SERINC5: variants seen among roughly 807,000 people sequenced by gnomAD.
The protein encoded by SERINC5 is chromosome 5 open reading frame 12.
In SERINC5, 41 loss-of-function variants were observed where a neutral mutation model predicts 63.1. The ratio of observed to expected loss-of-function variants is 0.65; its 90% confidence interval spans 0.51 to 0.84. The LOEUF (loss-of-function observed/expected upper bound fraction) is 0.84, where lower values mean the gene tolerates loss of function less well. Among genes scored for constraint, SERINC5 ranks in the 40% least tolerant of loss-of-function variants. SERINC5 has a pLI of 0.00. For synonymous variants in SERINC5, 222 were observed against 215.2 expected (o/e 1.03, Z -0.28); for missense variants, 523 against 573.0 (o/e 0.91, Z 0.89).
chr5:80,163,778 T>C (rs1469362071), intron 7 of SERINC5, among the ~76,000 whole-genome samples: 1 of 152,252 alleles, frequency 6.6e-6, no homozygotes, highest in Admixed American at 6.5e-5. Flanking sequence ...TGCTAGTATT[T>C]TGTTGAAGAT....
intron 1 of SERINC5, among the ~76,000 whole-genome samples, chr5:80,248,806 A>G (rs908145049): frequency 3.3e-5 from 5 of 152,252 alleles, no homozygotes; most frequent in Non-Finnish European, 7.3e-5. Flanking sequence ...ATTTGGACAG[A>G]CGTTATCTGT....
downstream of SERINC5, among the ~76,000 whole-genome samples, chr5:80,135,649 C>T (rs1015179040): frequency 1.3e-5 from 2 of 151,926 alleles, no homozygotes; most frequent in Admixed American, 6.6e-5. Flanking sequence ...GGACGATGGA[C>T]GTGGCAACAT....
At chr5:80,241,186 C>A (rs1751924120) in intron 1 of SERINC5, among the ~76,000 whole-genome samples, 1 of 152,006 alleles carries the variant, frequency 6.6e-6, no homozygotes, top group South Asian at 2.1e-4. Flanking sequence ...AATAAAAAGG[C>A]AAGGCTGGGC....
At chr5:80,210,644 C>T (rs1307723906) in intron 1 of SERINC5, among the ~76,000 whole-genome samples, 2 of 152,230 alleles carry the variant, frequency 1.3e-5, no homozygotes, top group South Asian at 2.1e-4. Context: ...AACACATGTA[C>T]CTTAATCATA....
chr5:80,198,943 T>TC (rs1458055611), intron 2 of SERINC5, among the ~76,000 whole-genome samples: 1 of 152,050 alleles, frequency 6.6e-6, no homozygotes, highest in African/African-American at 2.4e-5. Context: ...TTCCCTCTCT[T>TC]CCTCCCTCTC....
At chr5:80,114,154 T>A (rs1744239904) in intron 11 of SERINC5, among the ~76,000 whole-genome samples, 1 of 152,068 alleles carries the variant, frequency 6.6e-6, no homozygotes, top group Non-Finnish European at 1.5e-5. Flanking sequence ...GTTGGCCGTC[T>A]GTATTAGTCT....
rs1205500282 is a variant in SERINC5, at chr5:80,140,771, G to C, written c.*2892C>G. On this transcript the variant is annotated 3_prime_UTR_variant, in exon 12 of 12. Transcript: ENST00000507668. ...AGTGTTTTTACTCATAAAAATGAGG[G>C]GAAAACTTTTCTACATCAGACAAAT... 13 of 985,112 alleles carry C rather than the reference G, an allele frequency of 1.3e-5. No homozygotes were observed. The highest frequency in any genetic ancestry group is 1.6e-5 in the Non-Finnish European group (13 of 829,880). The allele number at this position is 985,112 out of a possible 1,614,324, so 61.0% of individuals were successfully genotyped here.
chr5:80,196,445 AATG>A (rs1308754657), intron 2 of SERINC5, among the ~76,000 whole-genome samples: 1 of 152,180 alleles, frequency 6.6e-6, no homozygotes, highest in African/African-American at 2.4e-5. Flanking sequence ...GGGAATGGAA[AATG>A]ATGTAGCAAC....
chr5:80,204,176 G>A (rs1284639602), intron 1 of SERINC5, among the ~76,000 whole-genome samples: 1 of 152,084 alleles, frequency 6.6e-6, no homozygotes, highest in Non-Finnish European at 1.5e-5. Flanking sequence ...AAAGAGTTTT[G>A]GTGAGTTCTG....
chr5:80,197,989 A>G (rs10474012), intron 2 of SERINC5, among the ~76,000 whole-genome samples: 97,256 of 151,808 alleles, frequency 0.64, 31,725 homozygotes, highest in African/African-American at 0.76. Context: ...ACAGGTGCAC[A>G]CCACCACACC....
chr5:80,163,715 A>ATTCTTGC (rs1747091579), intron 7 of SERINC5, among the ~76,000 whole-genome samples: 1 of 152,190 alleles, frequency 6.6e-6, no homozygotes, highest in Non-Finnish European at 1.5e-5. Context: ...TCCATGGTAT[A>ATTCTTGC]ATACCCACTT....
At chr5:80,202,765 G>A in intron 2 of SERINC5, 121 bp downstream of exon 2, 1 of 946,848 alleles carries the variant, frequency 1.1e-6, no homozygotes, top group African/African-American at 1.7e-5. Flanking sequence ...GAAGGTTCAA[G>A]GAAACCAGGT....
intron 1 of SERINC5, among the ~76,000 whole-genome samples, chr5:80,252,829 T>G (rs1752489991): frequency 6.6e-6 from 1 of 152,192 alleles, no homozygotes; most frequent in African/African-American, 2.4e-5. Flanking sequence ...ATTTCCAAAT[T>G]GAAACCCAGG....
At chr5:80,114,755 G>A (rs1044783197) in intron 11 of SERINC5, 18 of 151,724 alleles carry the variant, frequency 1.2e-4, no homozygotes, top group African/African-American at 4.1e-4. Flanking sequence ...CTCCCACCAG[G>A]TCCCTCCCAC....
intron 11 of SERINC5, among the ~76,000 whole-genome samples, chr5:80,144,430 A>G (rs1433738138): frequency 1.3e-5 from 2 of 152,224 alleles, no homozygotes; most frequent in African/African-American, 4.8e-5. Context: ...AGGAGATGCC[A>G]AACTCTTTTC....
Position 80,143,036 on chromosome 5 carries a change from G to C in SERINC5, c.*627C>G. The C allele has an allele frequency of 1.0e-6, 1 of 985,392 alleles. No individual in the cohort carries two copies. The highest frequency in any genetic ancestry group is 1.7e-5 in the African/African-American group (1 of 57,334). The allele number at this position is 985,392 out of a possible 1,614,324, so 61.0% of individuals were successfully genotyped here. On this transcript the variant is annotated 3_prime_UTR_variant, in exon 12 of 12. Coordinates refer to ENST00000507668, the MANE Select transcript of SERINC5 (RefSeq NM_001174072.3). ...CAGAAAAGATGAGACCTCGGGGAAG[G>C]GTGCAGGCAGAGAGTGAAGTCTGTG...
At chr5:80,191,942 T>C (rs969737269) in intron 2 of SERINC5, among the ~76,000 whole-genome samples, 13 of 152,168 alleles carry the variant, frequency 8.5e-5, no homozygotes, top group African/African-American at 3.1e-4. Context: ...ACATAACGCA[T>C]ATAAGACCAT....
intron 11 of SERINC5, among the ~76,000 whole-genome samples, chr5:80,123,317 G>C (rs1744619886): frequency 6.6e-6 from 1 of 152,152 alleles, no homozygotes; most frequent in Admixed American, 6.5e-5. Context: ...ATGTTGCCCA[G>C]GCTGGTCTCA....
chr5:80,130,460 T>C (rs1459031171), intron 11 of SERINC5, among the ~76,000 whole-genome samples: 1 of 152,164 alleles, frequency 6.6e-6, no homozygotes, highest in Non-Finnish European at 1.5e-5. Context: ...AGCTACTTGG[T>C]TGAGGCCAAG....
Sources: allele counts gnomAD v4.1 joint callset (sites outside exome capture counted in the v4.1 genomes callset), GRCh38; gene constraint gnomAD v4.1.1; transcripts MANE v1.5; gene names NCBI Gene and HGNC (gene_info 2026-07-23, HGNC 2026-07-21).